Variants in IL1RAP observed in about 807,000 individuals in gnomAD.
IL1RAP encodes interleukin 1 receptor accessory protein.
Under a neutral mutation model 60.7 loss-of-function variants are expected in IL1RAP, and 35 were observed. The observed-to-expected ratio is 0.58, with a 90% CI of 0.44 to 0.76. The LOEUF (loss-of-function observed/expected upper bound fraction) is 0.76. Ranked by LOEUF, IL1RAP falls within the 30% of genes least tolerant of loss-of-function variation. The probability of loss-of-function intolerance (pLI) is 0.00; values close to 1 mark genes in which losing one functional copy is unlikely to be tolerated. For synonymous variants in IL1RAP, 268 were observed against 250.9 expected, an observed-to-expected ratio of 1.07 and a Z score of -0.64; for missense variants, 572 against 693.9, an observed-to-expected ratio of 0.82 and a Z score of 1.97.
intron 9 of IL1RAP, among the ~76,000 whole-genome samples, chr3:190,640,060 C>A (rs1026364465): frequency 3.9e-5 from 6 of 152,186 alleles, no homozygotes; most frequent in Non-Finnish European, 8.8e-5. Flanking sequence ...TAATCCTGTG[C>A]AGATTTCTAG....
intron 5 of IL1RAP, among the ~76,000 whole-genome samples, chr3:190,611,530 C>G (rs900687727): frequency 2.0e-5 from 3 of 152,058 alleles, no homozygotes; most frequent in Non-Finnish European, 4.4e-5. Flanking sequence ...GTAGATAGCA[C>G]TGTAGCATCT....
At chr3:190,629,313 C>T (rs1732578388) in intron 8 of IL1RAP, 37 bp from the exon 9 acceptor site, 1 of 1,471,550 alleles carries the variant, frequency 6.8e-7, no homozygotes, top group Non-Finnish European at 9.3e-7. Context: ...TCTTGAGTCA[C>T]TCTCAAATGC....
intron 1 of IL1RAP, among the ~76,000 whole-genome samples, chr3:190,544,022 G>A (rs1724164420): frequency 6.6e-6 from 1 of 152,134 alleles, no homozygotes; most frequent in Non-Finnish European, 1.5e-5. Context: ...TTATATATTA[G>A]AGAATGGAAA....
chr3:190,631,626 T>G (rs996554965), intron 9 of IL1RAP, among the ~76,000 whole-genome samples: 3 of 152,144 alleles, frequency 2.0e-5, no homozygotes, highest in Admixed American at 6.5e-5. Context: ...TCTAAATTTA[T>G]TAGCAAAGCA....
intron 10 of IL1RAP, among the ~76,000 whole-genome samples, chr3:190,644,844 A>G (rs1317187082): frequency 6.6e-6 from 1 of 152,194 alleles, no homozygotes; most frequent in East Asian, 1.9e-4. Context: ...TCCTTATAGC[A>G]CATCTCAATT....
chr3:190,533,032 C>T (rs1023865621), intron 1 of IL1RAP, among the ~76,000 whole-genome samples: 1 of 152,152 alleles, frequency 6.6e-6, no homozygotes, highest in African/African-American at 2.4e-5. Context: ...CTTTCAAAAA[C>T]CCCTAGTCTC....
At chr3:190,532,571 G>C (rs146079775) in intron 1 of IL1RAP, among the ~76,000 whole-genome samples, 1 of 152,126 alleles carries the variant, frequency 6.6e-6, no homozygotes, top group Non-Finnish European at 1.5e-5. Flanking sequence ...GTGCTTTACT[G>C]ACCCTGTCCA....
chr3:190,522,532 A>G (rs1191337261), intron 1 of IL1RAP, among the ~76,000 whole-genome samples: 1 of 152,078 alleles, frequency 6.6e-6, no homozygotes, highest in African/African-American at 2.4e-5. Flanking sequence ...GCTGGCACCT[A>G]GAAGGCACTC....
rs187267938 is a variant in IL1RAP at position 190,569,087 on chromosome 3, A to C, written c.64+4734A>C. ...GGAATGAAATAGTTCAGGGCAACTC[A>C]AAAGATAGTGCAAAGGCATTTAGAA... is the stretch of plus-strand genomic sequence containing the variant. On this transcript the variant is annotated intron_variant, in intron 3 of 11. Transcript: ENST00000447382. Among the ~76,000 whole-genome samples the C allele has an allele frequency of 1.5e-3, 225 of 152,352 alleles. 1 individual carries two copies. Among genetic ancestry groups the C allele is most frequent in the Non-Finnish European group, 5.4e-4 (37 of 68,030 alleles).
At chr3:190,523,681 C>T (rs183134139) in intron 1 of IL1RAP, among the ~76,000 whole-genome samples, 61 of 152,226 alleles carry the variant, frequency 4.0e-4, no homozygotes, top group African/African-American at 1.1e-3. Flanking sequence ...ATCCATGTTT[C>T]GGTAAAGGAC....
chr3:190,576,879 T>C (rs1966467), intron 3 of IL1RAP, among the ~76,000 whole-genome samples: 75,826 of 151,628 alleles, frequency 0.5, 19,725 homozygotes, highest in East Asian at 0.67. Context: ...TTTGGGAGGC[T>C]GAGGTGGGCG....
intron 1 of IL1RAP, among the ~76,000 whole-genome samples, chr3:190,542,821 T>TG (rs1724048484): frequency 1.3e-5 from 2 of 151,988 alleles, no homozygotes; most frequent in Non-Finnish European, 2.9e-5. Context: ...TGAAAGCTTT[T>TG]GGGGGTTAGA....
chr3:190,644,882 T>C (rs1733903632), intron 10 of IL1RAP, among the ~76,000 whole-genome samples: 1 of 152,222 alleles, frequency 6.6e-6, no homozygotes, highest in Admixed American at 6.5e-5. Flanking sequence ...GAGTGAGCAA[T>C]AGACTCGTGA....
chr3:190,591,846 C>G (rs547623794), intron 3 of IL1RAP, among the ~76,000 whole-genome samples: 1 of 152,112 alleles, frequency 6.6e-6, no homozygotes, highest in Non-Finnish European at 1.5e-5. Context: ...GACTGCTTAG[C>G]GTTTCTCCAG....
At position 190,640,038 on chromosome 3, in the gene IL1RAP, G is replaced by A. The variant is rs143868878; in HGVS notation, c.1052-4210G>A. On this transcript the variant is annotated intron_variant, in intron 9 of 11. Transcript: ENST00000447382. Reference sequence around the variant, plus strand: ...AATATGTGTAGCTTTGTATTTGGCCGAAGACTCGAGATAATCCTGTGCAGA... The same window carrying A: ...AATATGTGTAGCTTTGTATTTGGCCAAAGACTCGAGATAATCCTGTGCAGA... 2.6e-4 allele frequency among the ~76,000 whole-genome samples: 40 copies of A among 152,218 alleles called. 1 individual carries two copies. The highest frequency in any genetic ancestry group is 2.6e-4 in the Non-Finnish European group (18 of 68,016).
chr3:190,620,235 T>C (rs1731659707), intron 5 of IL1RAP, 40 bp from the exon 6 acceptor site: 2 of 1,159,546 alleles, frequency 1.7e-6, no homozygotes, highest in Non-Finnish European at 2.4e-6. Context: ...TCTATGCATG[T>C]ATCTAAAAAG....
At chr3:190,639,299 A>AT (rs568680156) in intron 9 of IL1RAP, among the ~76,000 whole-genome samples, 285 of 152,250 alleles carry the variant, frequency 1.9e-3, no homozygotes, top group Middle Eastern at 0.01. Flanking sequence ...TGCCCCACAG[A>AT]TCACTGATCT....
chr3:190,542,789 C>T lies in IL1RAP; in HGVS notation c.-88-13341C>T, dbSNP rs944320163. The stretch of plus-strand genomic sequence containing the variant: ...TATATTATTTCATAGAAAACTCTTC[C>T]TTTCTAAATGGAACTGCTTCCTGAA... On this transcript the variant is annotated intron_variant, in intron 1 of 11. Coordinates refer to ENST00000447382, the MANE Select transcript of IL1RAP (RefSeq NM_002182.4). Among the ~76,000 whole-genome samples the T allele has an allele frequency of 3.3e-5, 5 of 151,938 alleles. 1 individual carries two copies. The highest frequency in any genetic ancestry group is 1.3e-4 in the Admixed American group (2 of 15,244).
chr3:190,606,136 T>C (rs942711244), intron 4 of IL1RAP, among the ~76,000 whole-genome samples: 6 of 152,162 alleles, frequency 3.9e-5, no homozygotes, highest in South Asian at 2.1e-4. Context: ...GAGGCTTTCA[T>C]TGGACACTTG....
Sources: allele counts gnomAD v4.1 joint callset (sites outside exome capture counted in the v4.1 genomes callset), GRCh38; gene constraint gnomAD v4.1.1; transcripts MANE v1.5; gene names NCBI Gene and HGNC (gene_info 2026-07-23, HGNC 2026-07-21).